DACH1: variants seen among roughly 807,000 people sequenced by gnomAD.
DACH1 encodes dachshund family transcription factor 1.
A neutral mutation model predicts 54.2 loss-of-function variants in DACH1; 12 were observed. That is an observed-to-expected ratio of 0.22 (90% CI 0.14 to 0.36). The LOEUF is 0.36. Among genes scored for constraint, DACH1 ranks in the 10% least tolerant of loss-of-function variants. The pLI is 1.00. For missense variants in DACH1, 805 were observed against 929.8 expected (o/e 0.87, Z 1.75); for synonymous variants, 386 against 366.2 (o/e 1.05, Z -0.62).
intron 2 of DACH1, among the ~76,000 whole-genome samples, chr13:71,676,156 A>G (rs944376582): frequency 7.5e-6 from 1 of 134,142 alleles, no homozygotes; most frequent in Non-Finnish European, 1.5e-5. Context: ...TGTTCTCCTT[A>G]CTTGTGAGTA....
chr13:71,801,078 G>C (rs1332685388), intron 1 of DACH1, among the ~76,000 whole-genome samples: 2 of 104,002 alleles, frequency 1.9e-5, no homozygotes, highest in African/African-American at 4.9e-5. Flanking sequence ...GCACACAGCA[G>C]TGTTTCTAGA....
intron 3 of DACH1, among the ~76,000 whole-genome samples, chr13:71,592,047 G>C (rs570038952): frequency 1.3e-5 from 2 of 152,098 alleles, no homozygotes; most frequent in Non-Finnish European, 2.9e-5. Context: ...ATTAGTAAAA[G>C]TTAGGTGTGG....
intron 1 of DACH1, among the ~76,000 whole-genome samples, chr13:71,701,288 G>T (rs1404605462): frequency 6.6e-6 from 1 of 151,948 alleles, no homozygotes; most frequent in Non-Finnish European, 1.5e-5. Context: ...ATTTTCTTAG[G>T]TAAGTGTATA....
chr13:71,749,558 CATA>C (rs1328245532), intron 1 of DACH1, among the ~76,000 whole-genome samples: 1 of 152,122 alleles, frequency 6.6e-6, no homozygotes, highest in African/African-American at 2.4e-5. Flanking sequence ...ACTCAGTAAA[CATA>C]ATTATTATTA....
intron 3 of DACH1, among the ~76,000 whole-genome samples, chr13:71,603,865 GTTA>G (rs1874689561): frequency 6.6e-6 from 1 of 151,790 alleles, no homozygotes; most frequent in Non-Finnish European, 1.5e-5. Context: ...AACATTACAA[GTTA>G]TTGTTTCTTT....
intron 6 of DACH1, among the ~76,000 whole-genome samples, chr13:71,530,067 G>GA (rs1882311530): frequency 6.6e-6 from 1 of 152,070 alleles, no homozygotes; most frequent in East Asian, 1.9e-4. Flanking sequence ...CATGCCATAT[G>GA]AAATAAACAC....
intron 1 of DACH1, among the ~76,000 whole-genome samples, chr13:71,852,064 T>C (rs1177592308): frequency 6.6e-6 from 1 of 152,198 alleles, no homozygotes; most frequent in Admixed American, 6.5e-5. Flanking sequence ...TAGGAATGGT[T>C]TGAAACTGTT....
rs377525868 is a variant in DACH1, at chr13:71,549,085, C to T, written c.1570+7939G>A. The stretch of plus-strand genomic sequence containing the variant: ...AGCAAAACTGAAAGAAATCTACTAG[C>T]AATATGCTAGTAAATTGCAGGAAAA... On this transcript the variant is annotated intron_variant, in intron 6 of 10. Coordinates refer to ENST00000613252, the MANE Select transcript of DACH1 (RefSeq NM_080759.6). 9.2e-4 allele frequency among the ~76,000 whole-genome samples: 140 copies of T among 151,874 alleles called. 1 individual carries two copies. Among genetic ancestry groups the T allele is most frequent in the African/African-American group, 3.3e-3 (136 of 41,458 alleles).
intron 6 of DACH1, among the ~76,000 whole-genome samples, chr13:71,527,071 T>TTAA (rs1882020463): frequency 6.6e-6 from 1 of 152,002 alleles, no homozygotes; most frequent in African/African-American, 2.4e-5. Flanking sequence ...ATATAAATTT[T>TTAA]CATGTGTATT....
intron 1 of DACH1, among the ~76,000 whole-genome samples, chr13:71,725,272 A>G (rs1402683829): frequency 2.0e-5 from 3 of 152,142 alleles, no homozygotes; most frequent in African/African-American, 7.2e-5. Context: ...CCTCTAAGAA[A>G]ATGAACCTAC....
chr13:71,763,996 T>C (rs769687827), intron 1 of DACH1, among the ~76,000 whole-genome samples: 1 of 152,158 alleles, frequency 6.6e-6, no homozygotes, highest in Non-Finnish European at 1.5e-5. Flanking sequence ...ACAACAATCT[T>C]GGGTACCAGG....
chr13:71,458,594 G>A (rs963251752), intron 10 of DACH1, among the ~76,000 whole-genome samples: 1 of 151,878 alleles, frequency 6.6e-6, no homozygotes, highest in Admixed American at 6.6e-5. Flanking sequence ...TATTGTGTGA[G>A]ATCTTACAGC....
Position 71,816,692 on chromosome 13 carries a change from A to G in DACH1, c.848+49230T>C, listed in dbSNP as rs533530612. Among the ~76,000 whole-genome samples the G allele has an allele frequency of 2.2e-3, 305 of 140,022 alleles. 1 individual carries two copies. Among genetic ancestry groups the G allele is most frequent in the African/African-American group, 3.6e-3 (126 of 34,650 alleles). The allele number at this position is 140,022 out of a possible 152,430, so 91.9% of individuals were successfully genotyped here. On this transcript the variant is annotated intron_variant, in intron 1 of 10. Transcript: ENST00000613252. ...TATATACACACATATATATATACAC[A>G]TATATATATATACACACACCATAGA...
intron 1 of DACH1, among the ~76,000 whole-genome samples, chr13:71,758,440 T>C (rs1885258123): frequency 6.6e-6 from 1 of 152,354 alleles, no homozygotes; most frequent in East Asian, 1.9e-4. Context: ...AAATGTTTTA[T>C]ACATATAAAA....
intron 10 of DACH1, among the ~76,000 whole-genome samples, chr13:71,448,486 C>A (rs939363174): frequency 1.3e-5 from 2 of 152,166 alleles, no homozygotes; most frequent in African/African-American, 2.4e-5. Flanking sequence ...CAAGTCATAA[C>A]CCCTCTTCTA....
At chr13:71,774,090 C>T (rs562520369) in intron 1 of DACH1, among the ~76,000 whole-genome samples, 40 of 152,004 alleles carry the variant, frequency 2.6e-4, no homozygotes, top group African/African-American at 8.4e-4. Flanking sequence ...TGATGTGACT[C>T]CCTGGGTTAA....
At chr13:71,477,077 T>TA (rs1203361424) in intron 8 of DACH1, among the ~76,000 whole-genome samples, 1 of 135,906 alleles carries the variant, frequency 7.4e-6, no homozygotes, top group Non-Finnish European at 1.6e-5. Context: ...CCTGTTTTTA[T>TA]TATTATATAT....
At chr13:71,767,791 A>G (rs560330937) in intron 1 of DACH1, among the ~76,000 whole-genome samples, 10 of 152,156 alleles carry the variant, frequency 6.6e-5, no homozygotes, top group African/African-American at 2.4e-4. Context: ...CAGCCACCCA[A>G]GTGAATTCTA....
At chr13:71,519,947 C>T (rs1176375978) in intron 6 of DACH1, among the ~76,000 whole-genome samples, 1 of 121,648 alleles carries the variant, frequency 8.2e-6, no homozygotes, top group Non-Finnish European at 1.7e-5. Flanking sequence ...AGGCTTAAGC[C>T]TTTGAACAGG....
Sources: gnomAD v4.1 joint callset for allele counts (sites outside exome capture counted in the v4.1 genomes callset) on GRCh38, gnomAD v4.1.1 for gene constraint, MANE v1.5 for transcripts, NCBI Gene and HGNC (gene_info 2026-07-23, HGNC 2026-07-21) for gene names.